The following TNRC6A variants were observed in gnomAD, a reference collection of about 807,000 sequenced individuals.
The protein encoded by TNRC6A is trinucleotide repeat containing adaptor 6A.
A neutral mutation model predicts 221.2 loss-of-function variants in TNRC6A; 44 were observed. The ratio of observed to expected loss-of-function variants is 0.20; its 90% CI spans 0.16 to 0.26. The LOEUF is 0.26. TNRC6A is among the 10% of genes least tolerant of loss of function. The probability of loss-of-function intolerance (pLI) is 1.00; values close to 1 mark genes in which losing one functional copy is unlikely to be tolerated. For synonymous variants in TNRC6A, 847 were observed against 838.5 expected, an observed-to-expected ratio of 1.01 and a Z score of -0.18; for missense variants, 2,199 against 2,404.4, an observed-to-expected ratio of 0.91 and a Z score of 1.79.
At chr16:24,752,326 A>C (rs2057155891) in intron 3 of TNRC6A, among the ~76,000 whole-genome samples, 1 of 152,176 alleles carries the variant, frequency 6.6e-6, no homozygotes, top group African/African-American at 2.4e-5. Context: ...ATACAAAGAA[A>C]GGAGAAATGA....
At chr16:24,773,155 G>A (rs372794909) in intron 4 of TNRC6A, among the ~76,000 whole-genome samples, 3 of 152,002 alleles carry the variant, frequency 2.0e-5, no homozygotes, top group South Asian at 4.2e-4. Flanking sequence ...TAGTATGTGC[G>A]GGTGTTTTCC....
intron 4 of TNRC6A, chr16:24,776,484 A>AACAC: frequency 1.0e-6 from 1 of 985,472 alleles, no homozygotes; most frequent in Non-Finnish European, 1.2e-6. Context: ...GTTGTCTTCC[A>AACAC]AAGATGAAAA....
At chr16:24,649,413 A>G (rs1902504786) in intron 2 of TNRC6A, among the ~76,000 whole-genome samples, 1 of 152,068 alleles carries the variant, frequency 6.6e-6, no homozygotes, top group Admixed American at 6.6e-5. Context: ...GGCTCAAGCC[A>G]TCTTCCCACC....
chr16:24,668,055 T>C (rs1274395244), intron 2 of TNRC6A, among the ~76,000 whole-genome samples: 1 of 151,870 alleles, frequency 6.6e-6, no homozygotes, highest in East Asian at 1.9e-4. Context: ...AGGCTGGGTA[T>C]GGTGGCTCAC....
At chr16:24,812,976 G>C (rs1013559302) in intron 18 of TNRC6A, among the ~76,000 whole-genome samples, 1 of 138,804 alleles carries the variant, frequency 7.2e-6, no homozygotes, top group African/African-American at 2.7e-5. Context: ...CCCAGACTCA[G>C]ATGACCCCCC....
chr16:24,670,804 G>A (rs763692702), intron 2 of TNRC6A: 2 of 181,546 alleles, frequency 1.1e-5, no homozygotes, highest in South Asian at 7.8e-5. Flanking sequence ...CTCCCAGACA[G>A]CTTGGGTCTG....
chr16:24,763,780 A>C (rs1475218613), intron 4 of TNRC6A, among the ~76,000 whole-genome samples: 1 of 152,180 alleles, frequency 6.6e-6, no homozygotes, highest in Non-Finnish European at 1.5e-5. Context: ...ATTTTGGTAA[A>C]GGTAAATATG....
At chr16:24,741,674 C>T (rs890270809) in intron 2 of TNRC6A, among the ~76,000 whole-genome samples, 7 of 152,282 alleles carry the variant, frequency 4.6e-5, no homozygotes, top group African/African-American at 1.7e-4. Context: ...CCACCTAATT[C>T]TGCATTGTAC....
Position 24,812,510 on chromosome 16 carries a change from G to A in TNRC6A, c.4673-2637G>A, listed in dbSNP as rs868246734. On this transcript the variant is annotated intron_variant, in intron 18 of 24. Transcript: ENST00000395799. Reference sequence around the variant, plus strand: ...AATGGCAATGTTTCAGTAAACAATGGGCCATATATCCAGTAGTGGGTCCAT... The same window carrying A: ...AATGGCAATGTTTCAGTAAACAATGAGCCATATATCCAGTAGTGGGTCCAT... 4.6e-5 allele frequency among the ~76,000 whole-genome samples: 7 copies of A among 152,092 alleles called. No homozygotes were observed. In the South Asian group the frequency reaches 1.5e-3, roughly 32 times the overall value.
chr16:24,655,236 C>T (rs1262878161), intron 2 of TNRC6A, among the ~76,000 whole-genome samples: 3 of 151,010 alleles, frequency 2.0e-5, no homozygotes, highest in African/African-American at 7.3e-5. Flanking sequence ...ACAACAAGAT[C>T]CTGTCTCAAA....
chr16:24,613,438 CATTTTATTTT>C (rs869133147), intron 1 of TNRC6A, among the ~76,000 whole-genome samples: 2,449 of 106,956 alleles, frequency 0.023, 36 homozygotes, highest in East Asian at 0.04. Context: ...ACTATTAAAG[CATTTTATTTT>C]ATTTTATTTT....
chr16:24,767,018 C>T (rs1320044825), intron 4 of TNRC6A, among the ~76,000 whole-genome samples: 1 of 152,156 alleles, frequency 6.6e-6, no homozygotes, highest in Non-Finnish European at 1.5e-5. Context: ...TTACTATTTG[C>T]CCATTTAGTT....
chr16:24,770,845 G>A (rs978166515), intron 4 of TNRC6A, among the ~76,000 whole-genome samples: 1 of 152,132 alleles, frequency 6.6e-6, no homozygotes, highest in East Asian at 1.9e-4. Flanking sequence ...AATGGTTCTC[G>A]AAGTTTACCT....
rs2058046747 is a variant in TNRC6A, at chr16:24,789,409, C to T, written c.767C>T (p.Ala256Val). The T allele has an allele frequency of 6.2e-7, 1 of 1,614,232 alleles. No homozygotes were observed. Among genetic ancestry groups the T allele is most frequent in the South Asian group, 1.1e-5 (1 of 91,090 alleles). The change falls in exon 6 of 25, where the codon GCT (alanine) becomes GTT (valine). Residue 256 changes from alanine (A) to valine (V), a missense_variant. By Grantham distance (64) the Ala-to-Val change is moderately conservative. Transcript: ENST00000395799. ...DPELASECMDADSASSSESER... is the reference protein window; with the variant it reads ...DPELASECMDVDSASSSESER... ...GAGTTGGCTTCAGAATGTATGGATG[C>T]TGATTCTGCCTCCAGTTCTGAATCA...
chr16:24,620,702 G>A (rs950118325), intron 1 of TNRC6A, among the ~76,000 whole-genome samples: 1 of 152,092 alleles, frequency 6.6e-6, no homozygotes, highest in African/African-American at 2.4e-5. Flanking sequence ...CAGCTACTCG[G>A]GAGGCTGAGA....
At chr16:24,616,066 C>T (rs1050654132) in intron 1 of TNRC6A, among the ~76,000 whole-genome samples, 2 of 151,998 alleles carry the variant, frequency 1.3e-5, no homozygotes, top group Non-Finnish European at 2.9e-5. Context: ...GTGGCACATG[C>T]CTGTAGTCCC....
chr16:24,709,013 T>C (rs2056152722), intron 2 of TNRC6A, among the ~76,000 whole-genome samples: 1 of 152,084 alleles, frequency 6.6e-6, no homozygotes, highest in African/African-American at 2.4e-5. Flanking sequence ...TCCCAGCACT[T>C]TGGGAGGCTG....
At chr16:24,808,197 C>G (rs2058473402) in intron 17 of TNRC6A, among the ~76,000 whole-genome samples, 1 of 152,230 alleles carries the variant, frequency 6.6e-6, no homozygotes. Flanking sequence ...AGGGAGCTGG[C>G]TCTTCCTATT....
intron 1 of TNRC6A, among the ~76,000 whole-genome samples, chr16:24,632,873 G>C (rs982774266): frequency 2.6e-5 from 4 of 152,044 alleles, no homozygotes; most frequent in African/African-American, 9.7e-5. Context: ...GCTGGGTGCG[G>C]TGGTGCATGC....
Sources: gnomAD v4.1 joint callset for allele counts (sites outside exome capture counted in the v4.1 genomes callset) on GRCh38, gnomAD v4.1.1 for gene constraint, MANE v1.5 for transcripts, NCBI Gene and HGNC (gene_info 2026-07-23, HGNC 2026-07-21) for gene names.